ATCAY: variants seen among roughly 807,000 people sequenced by gnomAD.
The protein encoded by ATCAY is ATCAY kinesin light chain interacting caytaxin.
Under a neutral mutation model 47.7 loss-of-function variants are expected in ATCAY, and 22 were observed. The observed-to-expected ratio is 0.46, with a 90% CI of 0.33 to 0.66. The LOEUF (loss-of-function observed/expected upper bound fraction) is 0.66. Ranked by LOEUF, ATCAY falls within the 30% of genes least tolerant of loss-of-function variation. The pLI, the probability that ATCAY is intolerant of heterozygous loss-of-function variation, is 0.02. For synonymous variants in ATCAY, 216 were observed against 207.6 expected, an observed-to-expected ratio of 1.04 and a Z score of -0.35; for missense variants, 452 against 515.0, an observed-to-expected ratio of 0.88 and a Z score of 1.18.
chr19:3,924,575 C>T lies in ATCAY; in HGVS notation c.1107-8C>T, dbSNP rs2039050536. 3.1e-6 allele frequency: 5 copies of T among 1,613,792 alleles called. No homozygotes were observed. The highest frequency in any genetic ancestry group is 4.2e-6 in the Non-Finnish European group (5 of 1,179,826). ...GCAATAACTTGGCCTGTGTCTTTCC[C>T]TCCCTAGCATGTCCTGAGGCGACGT... On this transcript the variant is annotated splice_region_variant and splice_polypyrimidine_tract_variant and intron_variant, in intron 12 of 12. Coordinates refer to ENST00000450849, the MANE Select transcript of ATCAY (RefSeq NM_033064.5).
chr19:3,897,966 A>C (rs1221660973), intron 2 of ATCAY, among the ~76,000 whole-genome samples: 2 of 152,166 alleles, frequency 1.3e-5, no homozygotes, highest in African/African-American at 2.4e-5. Flanking sequence ...TGGAATTCTC[A>C]TAACATGAAT....
chr19:3,884,652 C>T lies in ATCAY; in HGVS notation c.-41-1075C>T, dbSNP rs78639538. ...GGCTCACCCTGGAGAAGGTAGATTT[C>T]GAAGTTTCCAAGGGAGCAGGACTTG... On this transcript the variant is annotated intron_variant, in intron 1 of 12. Coordinates refer to ENST00000450849, the MANE Select transcript of ATCAY (RefSeq NM_033064.5). Among the ~76,000 whole-genome samples, 178 of 152,180 alleles carry T rather than the reference C, an allele frequency of 1.2e-3. 1 individual carries two copies. In the East Asian group the frequency reaches 0.031, roughly 27 times the overall value.
In ATCAY at chr19:3,908,385, G is replaced by A. The variant is rs117167523; in HGVS notation, c.647+15G>A. ...AACCTCTTCCTGTGAGTCCCCGCCC[G>A]CGGCGAGCAGCCTCGGGCCAGCTCT... On this transcript the variant is annotated intron_variant, in intron 6 of 12. Coordinates refer to ENST00000450849, the MANE Select transcript of ATCAY (RefSeq NM_033064.5). The A allele has an allele frequency of 5.2e-4, 811 of 1,565,958 alleles. No individual in the cohort carries two copies. Among genetic ancestry groups the A allele is most frequent in the Non-Finnish European group, 6.1e-4 (702 of 1,153,972 alleles).
chr19:3,908,283 G>C lies in ATCAY; in HGVS notation c.560G>C (p.Gly187Ala), dbSNP rs781251468. The C allele has an allele frequency of 5.7e-6, 9 of 1,579,520 alleles. No homozygotes were observed. Among genetic ancestry groups the C allele is most frequent in the East Asian group, 2.3e-5 (1 of 43,026 alleles). Residue 187 changes from glycine to alanine, a missense_variant, in exon 6 of 13, where the codon GGC becomes GCC. By Grantham distance (60) the Gly-to-Ala change is moderately conservative. Coordinates refer to ENST00000450849, the MANE Select transcript of ATCAY (RefSeq NM_033064.5). The stretch of plus-strand genomic sequence containing the variant: ...CTCTCCTCAGGGTACTACGGCGAAG[G>C]CCTCAACGCCATCATCGTCTTCGCA... ...VVTHGGYYGE[G>A]LNAIIVFAAC...
intron 2 of ATCAY, among the ~76,000 whole-genome samples, chr19:3,894,438 C>T (rs182096552): frequency 1.1e-4 from 16 of 146,690 alleles, no homozygotes; most frequent in African/African-American, 3.8e-4. Flanking sequence ...GACCTGAGAT[C>T]GCGCCACTGC....
chr19:3,913,379 C>A (rs1440018291), intron 8 of ATCAY, among the ~76,000 whole-genome samples: 1 of 152,154 alleles, frequency 6.6e-6, no homozygotes, highest in Admixed American at 6.6e-5. Context: ...TGTGCGGTGA[C>A]ATGGAGAGAA....
At chr19:3,918,479 C>T (rs2038985551) in intron 10 of ATCAY, among the ~76,000 whole-genome samples, 1 of 150,788 alleles carries the variant, frequency 6.6e-6, no homozygotes, top group Non-Finnish European at 1.5e-5. Context: ...TGCTTGAGCC[C>T]AGGAAGTTGA....
chr19:3,887,687 C>T (rs953784931), intron 2 of ATCAY, among the ~76,000 whole-genome samples: 20 of 150,350 alleles, frequency 1.3e-4, no homozygotes, highest in East Asian at 6.2e-4. Flanking sequence ...GGGGTTTCAC[C>T]ATGTTAGCCA....
intron 2 of ATCAY, among the ~76,000 whole-genome samples, chr19:3,890,533 G>T (rs1329827028): frequency 6.6e-6 from 1 of 152,052 alleles, no homozygotes; most frequent in Non-Finnish European, 1.5e-5. Context: ...AAAGTGCTGG[G>T]ATTACAGGCG....
intron 9 of ATCAY, among the ~76,000 whole-genome samples, chr19:3,914,885 C>A (rs996162435): frequency 3.3e-5 from 5 of 152,002 alleles, no homozygotes; most frequent in Admixed American, 6.6e-5. Flanking sequence ...AACACCCCCC[C>A]ACCGGGTCCC....
intron 8 of ATCAY, 145 bp downstream of exon 8, chr19:3,911,034 G>A (rs1045720993): frequency 2.5e-5 from 22 of 872,282 alleles, no homozygotes; most frequent in Non-Finnish European, 3.6e-5. Context: ...TGTTTGATGT[G>A]CATGTTCCAG....
At position 3,915,717 on chromosome 19, in the gene ATCAY, A is replaced by ATTT. The variant is rs58629412; in HGVS notation, c.965+1879_965+1881dup. Among the ~76,000 whole-genome samples the ATTT allele has an allele frequency of 6.8e-3, 736 of 108,898 alleles. 18 individuals carry two copies. Among genetic ancestry groups the ATTT allele is most frequent in the African/African-American group, 0.022 (618 of 28,138 alleles). 71.4% of individuals were successfully genotyped at this position (108,898 alleles called of 152,430 possible). A position where few individuals can be genotyped will look rare whatever the true frequency, so the allele number is the denominator to read the frequency against. On this transcript the variant is annotated intron_variant, in intron 9 of 12. Coordinates refer to ENST00000450849, the MANE Select transcript of ATCAY (RefSeq NM_033064.5). ...AGGCACCCACCACCATGCCCAGCTA[A>ATTT]TTTTTTTTTTTTTTTTTTTTGAGAT...
At chr19:3,901,390 T>G (rs1445431272) in intron 2 of ATCAY, among the ~76,000 whole-genome samples, 1 of 152,214 alleles carries the variant, frequency 6.6e-6, no homozygotes, top group Non-Finnish European at 1.5e-5. Flanking sequence ...GCACAAACTG[T>G]TCCAGCATTG....
At position 3,898,251 on chromosome 19, in the gene ATCAY, C is replaced by G. The variant is rs190124551; in HGVS notation, c.78-4236C>G. On this transcript the variant is annotated intron_variant, in intron 2 of 12. Coordinates refer to ENST00000450849, the MANE Select transcript of ATCAY (RefSeq NM_033064.5). ...CTAGGCTGGAGTGCAGTGGTGCAAT[C>G]ATAGCTCACTGCAGCCTCGACCTCC... Among the ~76,000 whole-genome samples, 447 of 152,050 alleles carry G rather than the reference C, an allele frequency of 2.9e-3. 4 individuals are homozygous for G. The highest frequency in any genetic ancestry group is 9.9e-3 in the African/African-American group (409 of 41,466).
chr19:3,908,197 G>T, intron 5 of ATCAY, 71 bp from the exon 6 acceptor site: 1 of 1,340,126 alleles, frequency 7.5e-7, no homozygotes, highest in Admixed American at 2.0e-5. Context: ...GGGACGTGGT[G>T]GGTGGTGCGC....
At chr19:3,888,761 A>G (rs998848215) in intron 2 of ATCAY, among the ~76,000 whole-genome samples, 9 of 152,068 alleles carry the variant, frequency 5.9e-5, no homozygotes, top group African/African-American at 2.2e-4. Flanking sequence ...CCTTGAAGTA[A>G]TCGGTCTCCT....
chr19:3,908,492 C>T (rs1208150048), intron 6 of ATCAY, 122 bp downstream of exon 6: 18 of 913,912 alleles, frequency 2.0e-5, no homozygotes, highest in Middle Eastern at 2.4e-4. Flanking sequence ...CAGGGAAGGG[C>T]GTGGTGGCCA....
rs570893016 is a variant in ATCAY at position 3,895,647 on chromosome 19, T to C, written c.78-6840T>C. On this transcript the variant is annotated intron_variant, in intron 2 of 12. Transcript: ENST00000450849. ...AGACTCTCTTAGGCATTCCCACCCT[T>C]TCTCCTGCTTTCCTCACTTTCCCAG... 3.9e-5 allele frequency among the ~76,000 whole-genome samples: 6 copies of C among 152,080 alleles called. No individual in the cohort carries two copies. The South Asian group carries it at 6.2e-4, about 16-fold the overall frequency.
intron 4 of ATCAY, among the ~76,000 whole-genome samples, chr19:3,906,980 A>C (rs1215862475): frequency 6.6e-6 from 1 of 151,376 alleles, no homozygotes; most frequent in Non-Finnish European, 1.5e-5. Context: ...TCTACTAAAA[A>C]TACAGAAATT....
Sources: allele counts gnomAD v4.1 joint callset (sites outside exome capture counted in the v4.1 genomes callset), GRCh38; gene constraint gnomAD v4.1.1; transcripts MANE v1.5; gene names NCBI Gene and HGNC (gene_info 2026-07-23, HGNC 2026-07-21).